ARID3A: variants seen among roughly 807,000 people sequenced by gnomAD.
ARID3A encodes the protein AT-rich interactive domain-containing protein 3A.
A neutral mutation model predicts 52.7 loss-of-function variants in ARID3A; 11 were observed. That is an observed-to-expected ratio of 0.21 (90% CI 0.13 to 0.35). The LOEUF is 0.35. ARID3A is among the 10% of genes least tolerant of loss of function. The probability of loss-of-function intolerance (pLI) is 1.00; values close to 1 mark genes in which losing one functional copy is unlikely to be tolerated. For missense variants in ARID3A, 721 were observed against 838.5 expected (o/e 0.86, Z 1.73); for synonymous variants, 404 against 359.4 (o/e 1.12, Z -1.40).
At chr19:940,204 C>T (rs2037518469) in intron 3 of ARID3A, among the ~76,000 whole-genome samples, 2 of 152,080 alleles carry the variant, frequency 1.3e-5, no homozygotes, top group South Asian at 4.1e-4. Context: ...GCCAGGGTGG[C>T]CAACTTTTTG....
At chr19:969,396 G>A (rs1234598243) in intron 8 of ARID3A, among the ~76,000 whole-genome samples, 4 of 151,618 alleles carry the variant, frequency 2.6e-5, no homozygotes, top group African/African-American at 9.7e-5. Flanking sequence ...AATCAGCAGG[G>A]CGTGGTGGCA....
At chr19:927,247 C>T (rs2145334918) in intron 1 of ARID3A, among the ~76,000 whole-genome samples, 1 of 152,272 alleles carries the variant, frequency 6.6e-6, no homozygotes, top group East Asian at 1.9e-4. Context: ...CCACCCAGCG[C>T]CCCGTCCCAG....
chr19:936,365 C>T (rs533212982), intron 3 of ARID3A, among the ~76,000 whole-genome samples: 4 of 152,032 alleles, frequency 2.6e-5, no homozygotes, highest in African/African-American at 4.8e-5. Flanking sequence ...CCAGCCTGGG[C>T]GGTATAGCAA....
chr19:975,816 AT>A lies in ARID3A; in HGVS notation c.*3755del, dbSNP rs2038366772. ...ATTTAAAAGAACACTGAAAGTTTAC[AT>A]TTTATAGTAACATTATTATGCAGAT... On this transcript the variant is annotated 3_prime_UTR_variant, in exon 9 of 9. Transcript: ENST00000263620. 1 of 194,902 alleles carries A rather than the reference AT, an allele frequency of 5.1e-6. No homozygotes were observed. The highest frequency in any genetic ancestry group is 1.9e-4 in the South Asian group (1 of 5,202). 12.1% of individuals were successfully genotyped at this position (194,902 alleles called of 1,614,324 possible).
chr19:955,185 C>A (rs1471827537), intron 3 of ARID3A, among the ~76,000 whole-genome samples: 2 of 152,202 alleles, frequency 1.3e-5, no homozygotes, highest in African/African-American at 4.8e-5. Flanking sequence ...GGCCTGGACA[C>A]CGCCATGGGC....
At chr19:946,073 C>G (rs183861409) in intron 3 of ARID3A, among the ~76,000 whole-genome samples, 2 of 151,998 alleles carry the variant, frequency 1.3e-5, no homozygotes, top group East Asian at 3.9e-4. Flanking sequence ...GGCAGGGGCC[C>G]GGCGTCCAGG....
At position 966,721 on chromosome 19, in the gene ARID3A, C is replaced by T. The variant is rs773129754; in HGVS notation, c.1348C>T (p.Arg450Trp). 2.5e-5 allele frequency: 40 copies of T among 1,612,164 alleles called. No homozygotes were observed. The highest frequency in any genetic ancestry group is 8.8e-5 in the South Asian group (8 of 90,990). Reference protein sequence around the residue: ...AAQAAALEQLREKLESAEPPE... With the variant: ...AAQAAALEQLWEKLESAEPPE... ...ACAGGCAGCTGCCCTGGAACAGCTG[C>T]GGGAGAAGCTGGAGTCTGCAGAGCC... Residue 450 changes from arginine to tryptophan, a missense_variant, in exon 7 of 9, where the codon CGG becomes TGG. Coordinates refer to ENST00000263620, the MANE Select transcript of ARID3A (RefSeq NM_005224.3).
chr19:955,281 C>T (rs529955985), intron 3 of ARID3A, among the ~76,000 whole-genome samples: 6 of 152,136 alleles, frequency 3.9e-5, no homozygotes, highest in Admixed American at 6.5e-5. Context: ...GGAGCGGAAC[C>T]GGGGGCCAGA....
At chr19:963,997 G>A (rs184757807) in intron 4 of ARID3A, among the ~76,000 whole-genome samples, 3 of 152,304 alleles carry the variant, frequency 2.0e-5, no homozygotes, top group African/African-American at 7.2e-5. Context: ...CGAGGGCTGC[G>A]CTGTCCCTAA....
In ARID3A at chr19:960,249, G is replaced by A; in HGVS notation, c.766+85G>A. 1 of 1,331,466 alleles carries A rather than the reference G, an allele frequency of 7.5e-7. No individual in the cohort carries two copies. The highest frequency in any genetic ancestry group is 2.7e-5 in the East Asian group (1 of 37,698). The allele number at this position is 1,331,466 out of a possible 1,614,324, so 82.5% of individuals were successfully genotyped here. On this transcript the variant is annotated intron_variant, in intron 4 of 8. Coordinates refer to ENST00000263620, the MANE Select transcript of ARID3A (RefSeq NM_005224.3). This position sits in a 1 kb window ranked among gnomAD's most constrained non-coding sequence, Gnocchi z 4.3. ...GCCCTACTGGCTCCAGGTATGTCGG[G>A]GCGGTGGTGAGCACCCCGTGGCTGG... is the stretch of plus-strand genomic sequence containing the variant.
intron 3 of ARID3A, among the ~76,000 whole-genome samples, chr19:935,425 G>C (rs762775170): frequency 3.3e-5 from 5 of 152,188 alleles, no homozygotes; most frequent in African/African-American, 4.8e-5. Context: ...GTGGCCTCCT[G>C]TCACCCACAC....
At chr19:954,260 G>C (rs2037867499) in intron 3 of ARID3A, among the ~76,000 whole-genome samples, 1 of 152,244 alleles carries the variant, frequency 6.6e-6, no homozygotes, top group Admixed American at 6.5e-5. Context: ...TTGGCTCCAC[G>C]CGCTCTGTGC....
intron 3 of ARID3A, among the ~76,000 whole-genome samples, chr19:949,753 G>A (rs1599405738): frequency 6.8e-6 from 1 of 147,186 alleles, no homozygotes; most frequent in African/African-American, 2.5e-5. Context: ...CTGAGCTCAC[G>A]CAATCTCTGC....
At position 960,230 on chromosome 19, in the gene ARID3A, C is replaced by T; in HGVS notation, c.766+66C>T. The T allele has an allele frequency of 2.7e-6, 4 of 1,471,288 alleles. No homozygotes were observed. The highest frequency in any genetic ancestry group is 1.8e-4 in the Middle Eastern group (1 of 5,634). The allele number at this position is 1,471,288 out of a possible 1,614,324, so 91.1% of individuals were successfully genotyped here. A position where few individuals can be genotyped will look rare whatever the true frequency, so the allele number is the denominator to read the frequency against. ...AAACAGGGCTGTAGGAGGGGCCCTA[C>T]TGGCTCCAGGTATGTCGGGGCGGTG... On this transcript the variant is annotated intron_variant, in intron 4 of 8. Coordinates refer to ENST00000263620, the MANE Select transcript of ARID3A (RefSeq NM_005224.3). This position sits in a 1 kb window ranked among gnomAD's most constrained non-coding sequence, Gnocchi z 4.3.
chr19:928,051 G>A lies in ARID3A; in HGVS notation c.-267-1211G>A, dbSNP rs1238129178. 2.0e-5 allele frequency among the ~76,000 whole-genome samples: 3 copies of A among 152,204 alleles called. No individual in the cohort carries two copies. The East Asian group carries it at 5.8e-4, about 29-fold the overall frequency. On this transcript the variant is annotated intron_variant, in intron 1 of 8. Transcript: ENST00000263620. Reference sequence around the variant, plus strand: ...CTGACCTGGGTGGGGTCGGGTCACAGGAGGGATCTGAGTCCCAGGGGTCCC... The same window carrying A: ...CTGACCTGGGTGGGGTCGGGTCACAAGAGGGATCTGAGTCCCAGGGGTCCC...
rs749691238 is a variant in ARID3A at position 964,848 on chromosome 19, G to A, written c.966G>A (p.Leu322=). The A allele has an allele frequency of 3.7e-6, 6 of 1,613,812 alleles. No homozygotes were observed. The highest frequency in any genetic ancestry group is 2.2e-5 in the East Asian group (1 of 44,900). The part of the protein sequence containing the change: ...FTLRTQYMKY[L]YPYECEKRGL... ...CCACCCACAGATACATGAAGTACCTGTACCCCTACGAGTGTGAGAAGCGGG... is the reference window on the plus strand; with the variant it reads ...CCACCCACAGATACATGAAGTACCTATACCCCTACGAGTGTGAGAAGCGGG... Residue 322 remains leucine (L), a synonymous_variant, in exon 6 of 9, where the codon CTG becomes CTA. Transcript: ENST00000263620. This position sits in a 1 kb window ranked among gnomAD's most constrained non-coding sequence, Gnocchi z 5.7.
intron 3 of ARID3A, among the ~76,000 whole-genome samples, chr19:948,964 C>T (rs983052940): frequency 6.6e-6 from 1 of 152,130 alleles, no homozygotes; most frequent in African/African-American, 2.4e-5. Flanking sequence ...CCGCCTCGGC[C>T]TCCCAAAGTA....
rs116737064 is a variant in ARID3A at position 946,941 on chromosome 19, G to A, written c.694-13151G>A. ...CCTGAGTAGCTGGGATTACAGGTGC[G>A]CCACTATGCCTGGCTAATTTTTTTT... On this transcript the variant is annotated intron_variant, in intron 3 of 8. Transcript: ENST00000263620. Among the ~76,000 whole-genome samples the A allele has an allele frequency of 6.3e-3, 959 of 151,432 alleles. 12 individuals are homozygous for A. The highest frequency in any genetic ancestry group is 0.022 in the African/African-American group (897 of 41,232).
intron 3 of ARID3A, among the ~76,000 whole-genome samples, chr19:951,872 A>T (rs1318509944): frequency 6.6e-6 from 1 of 152,194 alleles, no homozygotes; most frequent in African/African-American, 2.4e-5. Context: ...ACAGTGGCTC[A>T]TACCCAGAAT....
Sources: allele counts gnomAD v4.1 joint callset (sites outside exome capture counted in the v4.1 genomes callset), GRCh38; gene constraint gnomAD v4.1.1; non-coding constraint Gnocchi (gnomAD v3.1); transcripts MANE v1.5; gene names NCBI Gene and HGNC (gene_info 2026-07-23, HGNC 2026-07-21).